The following SUMF1 variants were observed in gnomAD, a reference collection of about 807,000 sequenced individuals.
SUMF1 encodes sulfatase modifying factor 1.
Under a neutral mutation model 47.6 loss-of-function variants are expected in SUMF1, and 48 were observed. The observed-to-expected ratio is 1.01, with a 90% CI of 0.80 to 1.28. The LOEUF is 1.28. SUMF1 is among the 50% of genes most tolerant of loss of function. The pLI is 0.00. For synonymous variants in SUMF1, 230 were observed against 192.1 expected, an observed-to-expected ratio of 1.20 and a Z score of -1.63; for missense variants, 571 against 485.4, an observed-to-expected ratio of 1.18 and a Z score of -1.66.
intron 7 of SUMF1, among the ~76,000 whole-genome samples, chr3:4,408,225 T>C (rs1189635627): frequency 6.6e-6 from 1 of 152,184 alleles, no homozygotes; most frequent in East Asian, 1.9e-4. Context: ...TTAAAAATGA[T>C]GACTGAAAAA....
In SUMF1 at chr3:4,333,990, G is replaced by A. The variant is rs1227031342; in HGVS notation, c.1014+42340C>T. On this transcript the variant is annotated intron_variant and NMD_transcript_variant, in intron 8 of 12. Coordinates refer to the SUMF1 transcript ENST00000448413. Reference sequence around the variant, plus strand: ...AAAAATATTTAAAAAGTAGCCAGATGTGGTGGTGCACACCTGTAGTATCAG... The same window carrying A: ...AAAAATATTTAAAAAGTAGCCAGATATGGTGGTGCACACCTGTAGTATCAG... 3.3e-5 allele frequency among the ~76,000 whole-genome samples: 5 copies of A among 151,980 alleles called. No homozygotes were observed. In the South Asian group the frequency reaches 1.0e-3, roughly 32 times the overall value.
intron 8 of SUMF1, among the ~76,000 whole-genome samples, chr3:4,114,118 C>T (rs1484819770): frequency 6.6e-6 from 1 of 152,014 alleles, no homozygotes; most frequent in Non-Finnish European, 1.5e-5. Context: ...ATTGAGGAAC[C>T]AAATACCTAA....
chr3:4,341,677 G>C (rs531781125), intron 8 of SUMF1, among the ~76,000 whole-genome samples: 1 of 152,138 alleles, frequency 6.6e-6, no homozygotes, highest in East Asian at 1.9e-4. Flanking sequence ...ATTGAACAAA[G>C]ATCAAATGGA....
At chr3:4,085,570 CAT>C (rs1370493035) in intron 8 of SUMF1, among the ~76,000 whole-genome samples, 1 of 152,108 alleles carries the variant, frequency 6.6e-6, no homozygotes, top group Non-Finnish European at 1.5e-5. Flanking sequence ...TTTTGTCACT[CAT>C]AGTCAGTCTT....
chr3:4,170,728 A>G (rs560176754), intron 8 of SUMF1, among the ~76,000 whole-genome samples: 31 of 152,286 alleles, frequency 2.0e-4, no homozygotes, highest in African/African-American at 7.5e-4. Flanking sequence ...AATTCAGTGA[A>G]AAAAGAATTG....
intron 3 of SUMF1, among the ~76,000 whole-genome samples, chr3:4,448,175 A>C (rs1702847463): frequency 6.6e-6 from 1 of 152,234 alleles, no homozygotes; most frequent in South Asian, 2.1e-4. Context: ...CATATTAAAA[A>C]GTGGCTCAAT....
chr3:4,045,046 G>T (rs1404504608), intron 9 of SUMF1, among the ~76,000 whole-genome samples: 1 of 152,152 alleles, frequency 6.6e-6, no homozygotes. Context: ...TATTTGTTCA[G>T]TTTAGCTAGG....
intron 8 of SUMF1, among the ~76,000 whole-genome samples, chr3:4,198,941 C>T (rs1490871985): frequency 1.3e-5 from 2 of 152,114 alleles, no homozygotes; most frequent in Non-Finnish European, 2.9e-5. Flanking sequence ...CCCTTCCAAG[C>T]TATTATCCCT....
chr3:4,356,661 G>C (rs1306140711), downstream of SUMF1, among the ~76,000 whole-genome samples: 1 of 151,886 alleles, frequency 6.6e-6, no homozygotes, highest in Non-Finnish European at 1.5e-5. Flanking sequence ...CAGATGAAAC[G>C]GGGCTGCAGA....
chr3:4,250,465 C>A (rs1696776005), intron 8 of SUMF1, among the ~76,000 whole-genome samples: 1 of 151,936 alleles, frequency 6.6e-6, no homozygotes, highest in Non-Finnish European at 1.5e-5. Flanking sequence ...CTGCAGCAAG[C>A]TATCCAGAAG....
At chr3:4,389,393 G>T (rs1461897280) in intron 7 of SUMF1, among the ~76,000 whole-genome samples, 2 of 134,914 alleles carry the variant, frequency 1.5e-5, no homozygotes, top group East Asian at 2.1e-4. Flanking sequence ...TAAAAGTTTT[G>T]TCTTTAGTGT....
intron 9 of SUMF1, among the ~76,000 whole-genome samples, chr3:4,040,271 C>A (rs1377395380): frequency 2.0e-5 from 3 of 152,004 alleles, no homozygotes; most frequent in East Asian, 1.9e-4. Context: ...AAATTATGTA[C>A]CTCAGAATGG....
intron 9 of SUMF1, among the ~76,000 whole-genome samples, chr3:4,047,774 T>C (rs1430335133): frequency 6.6e-6 from 1 of 152,148 alleles, no homozygotes; most frequent in Non-Finnish European, 1.5e-5. Flanking sequence ...GACAATGCAC[T>C]GGGAGTTTGA....
Position 4,037,350 on chromosome 3 carries a change from C to T in SUMF1, c.1191+31219G>A, listed in dbSNP as rs577656591. 5.3e-5 allele frequency among the ~76,000 whole-genome samples: 8 copies of T among 152,272 alleles called. No homozygotes were observed. In the South Asian group the frequency reaches 1.5e-3, roughly 28 times the overall value. On this transcript the variant is annotated intron_variant and NMD_transcript_variant, in intron 9 of 12. Transcript: ENST00000448413. ...AGTTCTAAGTGGTCTCCTTATCCAC[C>T]TCCACTTTTAACCCATTCTTTTCAC... is the stretch of plus-strand genomic sequence containing the variant.
intron 8 of SUMF1, among the ~76,000 whole-genome samples, chr3:4,100,858 C>T (rs1459416664): frequency 6.6e-6 from 1 of 151,896 alleles, no homozygotes. Context: ...TTAAAAGACA[C>T]TTCTTAGAGG....
chr3:4,107,090 C>A (rs775323991), intron 8 of SUMF1, among the ~76,000 whole-genome samples: 1 of 151,988 alleles, frequency 6.6e-6, no homozygotes, highest in Non-Finnish European at 1.5e-5. Context: ...AGATCAATAG[C>A]CCAAGGTTGG....
chr3:4,161,786 G>A (rs914711602), intron 8 of SUMF1, among the ~76,000 whole-genome samples: 4 of 152,028 alleles, frequency 2.6e-5, no homozygotes, highest in East Asian at 1.9e-4. Flanking sequence ...CCTATTTGGT[G>A]CCCTACCCCA....
intron 8 of SUMF1, among the ~76,000 whole-genome samples, chr3:4,321,686 TA>T (rs1012467888): frequency 6.6e-6 from 1 of 151,960 alleles, no homozygotes; most frequent in African/African-American, 2.4e-5. Context: ...ATAAATGGGG[TA>T]AAGACAAATC....
chr3:4,092,370 C>T (rs1424003354), intron 8 of SUMF1, among the ~76,000 whole-genome samples: 2 of 152,070 alleles, frequency 1.3e-5, no homozygotes, highest in Non-Finnish European at 2.9e-5. Context: ...GCACAAGCAT[C>T]CCCCAGTTTC....
Sources: gnomAD v4.1 joint callset for allele counts (sites outside exome capture counted in the v4.1 genomes callset) on GRCh38, gnomAD v4.1.1 for gene constraint, MANE v1.5 for transcripts, NCBI Gene and HGNC (gene_info 2026-07-23, HGNC 2026-07-21) for gene names.